Variants in SCN8A observed in about 807,000 individuals in gnomAD.
SCN8A encodes the protein sodium voltage-gated channel alpha subunit 8, also known as sodium channel protein type 8 subunit alpha.
A neutral mutation model predicts 184.1 loss-of-function variants in SCN8A; 30 were observed. The ratio of observed to expected loss-of-function variants is 0.16; its 90% CI spans 0.12 to 0.22. SCN8A has a LOEUF of 0.22. Ranked by LOEUF, SCN8A falls within the 10% of genes least tolerant of loss-of-function variation. The probability of loss-of-function intolerance (pLI) is 1.00; values close to 1 mark genes in which losing one functional copy is unlikely to be tolerated. For missense variants in SCN8A, 1,057 were observed against 2,498.9 expected (o/e 0.42, Z 12.30); for synonymous variants, 852 against 907.0 (o/e 0.94, Z 1.09).
At chr12:51,755,109 A>G (rs1295500457) in intron 14 of SCN8A, among the ~76,000 whole-genome samples, 2 of 152,216 alleles carry the variant, frequency 1.3e-5, no homozygotes, top group Non-Finnish European at 2.9e-5. Flanking sequence ...TTAAGTTCCT[A>G]TGGCATATAG....
intron 6 of SCN8A, among the ~76,000 whole-genome samples, chr12:51,691,299 G>C (rs1004292582): frequency 2.6e-5 from 4 of 152,164 alleles, no homozygotes; most frequent in Non-Finnish European, 4.4e-5. Context: ...GCTGTCTCTA[G>C]TCTAGCTCAT....
At chr12:51,671,537 G>A (rs560513678) in intron 2 of SCN8A, among the ~76,000 whole-genome samples, 1 of 152,252 alleles carries the variant, frequency 6.6e-6, no homozygotes, top group African/African-American at 2.4e-5. Context: ...TGTGATTTGT[G>A]CAATCTTATC....
At chr12:51,638,408 C>T (rs1257150915) in intron 1 of SCN8A, among the ~76,000 whole-genome samples, 1 of 151,880 alleles carries the variant, frequency 6.6e-6, no homozygotes, top group Non-Finnish European at 1.5e-5. Flanking sequence ...ATTCATCATT[C>T]TACAAGCCGT....
intron 2 of SCN8A, among the ~76,000 whole-genome samples, chr12:51,679,967 A>G (rs1941300795): frequency 6.6e-6 from 1 of 151,450 alleles, no homozygotes; most frequent in Non-Finnish European, 1.5e-5. Context: ...CTCGTGATCC[A>G]CTCACCTCGA....
chr12:51,804,392 C>G (rs1271285334), intron 26 of SCN8A, among the ~76,000 whole-genome samples: 1 of 151,422 alleles, frequency 6.6e-6, no homozygotes, highest in Non-Finnish European at 1.5e-5. Flanking sequence ...GATCTCAGCT[C>G]ACTGCAACCT....
intron 12 of SCN8A, among the ~76,000 whole-genome samples, chr12:51,744,613 C>CTTT (rs1410294336): frequency 2.9e-5 from 4 of 137,540 alleles, no homozygotes; most frequent in African/African-American, 1.1e-4. Context: ...TGATGAAACA[C>CTTT]TTTTTTTTTT....
intron 6 of SCN8A, among the ~76,000 whole-genome samples, chr12:51,691,747 A>G (rs1369051730): frequency 6.6e-6 from 1 of 152,204 alleles, no homozygotes; most frequent in Non-Finnish European, 1.5e-5. Context: ...TCTTGAATTA[A>G]AAGTGTGGCT....
In SCN8A at chr12:51,780,241, C is replaced by G. The variant is rs528925420; in HGVS notation, c.3820-408C>G. 218 of 456,600 alleles carry G rather than the reference C, an allele frequency of 4.8e-4. 1 individual carries two copies. The highest frequency in any genetic ancestry group is 3.8e-3 in the African/African-American group (191 of 50,180). 28.3% of individuals were successfully genotyped at this position (456,600 alleles called of 1,614,324 possible). On this transcript the variant is annotated intron_variant, in intron 20 of 26. Transcript: ENST00000627620. ...GTCTGGCTTAATTTAATGGGGACTTCTGGGACCTGCAGAGACTGTAAAGGG... is the reference window on the plus strand; with the variant it reads ...GTCTGGCTTAATTTAATGGGGACTTGTGGGACCTGCAGAGACTGTAAAGGG...
At chr12:51,653,642 CAT>C (rs1194324020) in intron 1 of SCN8A, among the ~76,000 whole-genome samples, 2 of 152,168 alleles carry the variant, frequency 1.3e-5, no homozygotes, top group Non-Finnish European at 2.9e-5. Flanking sequence ...CTGCTAAGAA[CAT>C]GTGTGTACAA....
At chr12:51,660,307 C>G (rs1380945094) in intron 1 of SCN8A, among the ~76,000 whole-genome samples, 1 of 152,220 alleles carries the variant, frequency 6.6e-6, no homozygotes, top group Admixed American at 6.5e-5. Context: ...AGACAGAGAA[C>G]TTAGCCCTGG....
intron 12 of SCN8A, among the ~76,000 whole-genome samples, chr12:51,732,226 C>G (rs1378205223): frequency 1.3e-5 from 2 of 152,118 alleles, no homozygotes; most frequent in Non-Finnish European, 2.9e-5. Flanking sequence ...CTCTTTAATC[C>G]ATTTTGATTT....
intron 2 of SCN8A, among the ~76,000 whole-genome samples, chr12:51,679,212 G>A (rs569589856): frequency 2.2e-4 from 34 of 152,220 alleles, no homozygotes; most frequent in African/African-American, 7.9e-4. Context: ...AGACCAGCCT[G>A]GACAACATAG....
At chr12:51,783,556 C>T (rs1321580650) in intron 21 of SCN8A, among the ~76,000 whole-genome samples, 2 of 152,170 alleles carry the variant, frequency 1.3e-5, no homozygotes, top group Non-Finnish European at 2.9e-5. Flanking sequence ...AAAACTGAAG[C>T]ACTTGTGCTA....
chr12:51,709,099 A>G (rs1353605183), intron 11 of SCN8A, among the ~76,000 whole-genome samples: 1 of 152,248 alleles, frequency 6.6e-6, no homozygotes, highest in African/African-American at 2.4e-5. Flanking sequence ...CTTAAAGGAT[A>G]GACAGGAATT....
intron 17 of SCN8A, 85 bp from the exon 18 acceptor site, chr12:51,769,783 C>A: frequency 1.1e-6 from 1 of 870,028 alleles, no homozygotes; most frequent in Non-Finnish European, 1.9e-6. Context: ...GCTGGCCCCT[C>A]ATCCCCACCA....
At chr12:51,736,000 T>G (rs890639300) in intron 12 of SCN8A, among the ~76,000 whole-genome samples, 8 of 152,238 alleles carry the variant, frequency 5.3e-5, no homozygotes, top group Non-Finnish European at 8.8e-5. Context: ...ATCTGGCCTT[T>G]GGGCAGGCTC....
At chr12:51,694,843 G>C (rs138804985) in intron 6 of SCN8A, among the ~76,000 whole-genome samples, 9 of 152,128 alleles carry the variant, frequency 5.9e-5, no homozygotes, top group Non-Finnish European at 8.8e-5. Flanking sequence ...ACGAGGGAGC[G>C]CTTTCAGGCA....
intron 1 of SCN8A, among the ~76,000 whole-genome samples, chr12:51,649,169 A>T (rs564288938): frequency 6.6e-6 from 1 of 152,294 alleles, no homozygotes; most frequent in South Asian, 2.1e-4. Context: ...TGTCACACTG[A>T]TGCAATAGGT....
chr12:51,670,837 C>T (rs1335819381), intron 2 of SCN8A, among the ~76,000 whole-genome samples: 1 of 152,152 alleles, frequency 6.6e-6, no homozygotes, highest in Non-Finnish European at 1.5e-5. Flanking sequence ...ATTCATTTGA[C>T]AATTTGATAA....
Sources: gnomAD v4.1 joint callset for allele counts (sites outside exome capture counted in the v4.1 genomes callset) on GRCh38, gnomAD v4.1.1 for gene constraint, MANE v1.5 for transcripts, NCBI Gene and HGNC (gene_info 2026-07-23, HGNC 2026-07-21) for gene names.